Variants in EBF1 observed in about 807,000 individuals in gnomAD.
EBF1 encodes the protein transcription factor COE1.
In EBF1, 10 loss-of-function variants were observed where a neutral mutation model predicts 68.4. The observed-to-expected ratio is 0.15, with a 90% CI of 0.09 to 0.25. The LOEUF is 0.25. Ranked by LOEUF, EBF1 falls within the 10% of genes least tolerant of loss-of-function variation. EBF1 has a pLI of 1.00. For missense variants in EBF1, 509 were observed against 794.4 expected, an observed-to-expected ratio of 0.64 and a Z score of 4.32; for synonymous variants, 298 against 299.8, an observed-to-expected ratio of 0.99 and a Z score of 0.06.
intron 6 of EBF1, among the ~76,000 whole-genome samples, chr5:158,892,358 G>A (rs1801343652): frequency 6.6e-6 from 1 of 152,106 alleles, no homozygotes; most frequent in South Asian, 2.1e-4. Context: ...TTGTGGTGGT[G>A]CACACCTGTA....
chr5:158,835,533 G>C (rs1446540342), intron 7 of EBF1, among the ~76,000 whole-genome samples: 1 of 152,144 alleles, frequency 6.6e-6, no homozygotes, highest in Admixed American at 6.5e-5. Flanking sequence ...TTTAGGCTCT[G>C]CTAGGACAAA....
intron 6 of EBF1, among the ~76,000 whole-genome samples, chr5:158,966,873 T>C (rs1754268922): frequency 2.6e-5 from 4 of 152,228 alleles, no homozygotes. Context: ...AGCCAAGGGT[T>C]AGCTGCCAAG....
At chr5:158,937,731 G>A (rs1291099553) in intron 6 of EBF1, among the ~76,000 whole-genome samples, 1 of 152,196 alleles carries the variant, frequency 6.6e-6, no homozygotes, top group Non-Finnish European at 1.5e-5. Context: ...ACAAAGAGCT[G>A]AGAAAGAGAG....
intron 6 of EBF1, among the ~76,000 whole-genome samples, chr5:159,021,922 G>A (rs1252344246): frequency 1.3e-5 from 2 of 152,024 alleles, no homozygotes; most frequent in Non-Finnish European, 2.9e-5. Flanking sequence ...TACTGATATT[G>A]GGGCACAGCT....
chr5:158,994,291 T>C (rs1760968588), intron 6 of EBF1, among the ~76,000 whole-genome samples: 1 of 152,228 alleles, frequency 6.6e-6, no homozygotes, highest in East Asian at 1.9e-4. Context: ...ATAAGTACAA[T>C]GAGCGATCTG....
intron 10 of EBF1, among the ~76,000 whole-genome samples, chr5:158,775,566 G>A (rs1276311502): frequency 6.6e-6 from 1 of 151,962 alleles, no homozygotes; most frequent in Non-Finnish European, 1.5e-5. Flanking sequence ...CAAAAACAGA[G>A]TCCAAACTTC....
chr5:159,048,817 G>A (rs1772963929), intron 6 of EBF1, among the ~76,000 whole-genome samples: 1 of 152,204 alleles, frequency 6.6e-6, no homozygotes, highest in Non-Finnish European at 1.5e-5. Context: ...TCTGGCTGAT[G>A]AATTCCACAC....
At chr5:158,951,502 T>G (rs1029531540) in intron 6 of EBF1, among the ~76,000 whole-genome samples, 1 of 152,244 alleles carries the variant, frequency 6.6e-6, no homozygotes, top group East Asian at 1.9e-4. Flanking sequence ...CGGAGTATGC[T>G]AATTCCCCAA....
chr5:158,928,329 GT>G (rs1262998594), intron 6 of EBF1, among the ~76,000 whole-genome samples: 1 of 152,112 alleles, frequency 6.6e-6, no homozygotes, highest in African/African-American at 2.4e-5. Flanking sequence ...TTCATTCATT[GT>G]TCTCCCCTTT....
chr5:158,717,017 A>C (rs1760876405), intron 11 of EBF1, among the ~76,000 whole-genome samples: 1 of 152,202 alleles, frequency 6.6e-6, no homozygotes, highest in African/African-American at 2.4e-5. Flanking sequence ...ACATTATGTA[A>C]GTAGATTGAA....
intron 10 of EBF1, among the ~76,000 whole-genome samples, chr5:158,743,817 C>A (rs905937350): frequency 6.6e-6 from 1 of 152,032 alleles, no homozygotes; most frequent in African/African-American, 2.4e-5. Context: ...TTCAGACATG[C>A]TGGAATTTAG....
chr5:159,056,037 A>G (rs1296981555), intron 6 of EBF1, among the ~76,000 whole-genome samples: 4 of 152,224 alleles, frequency 2.6e-5, no homozygotes, highest in East Asian at 3.8e-4. Context: ...GACTAACCCT[A>G]CATGAAACCA....
chr5:158,734,050 A>G (rs1029318786), intron 10 of EBF1, among the ~76,000 whole-genome samples: 12 of 152,230 alleles, frequency 7.9e-5, no homozygotes, highest in Non-Finnish European at 1.5e-5. Context: ...AAGCAATGCC[A>G]TAGGAAAAAA....
intron 10 of EBF1, among the ~76,000 whole-genome samples, chr5:158,775,797 C>G (rs939545838): frequency 1.7e-4 from 25 of 146,108 alleles, no homozygotes; most frequent in African/African-American, 4.0e-4. Context: ...CACACACACA[C>G]ACACACACAC....
At chr5:158,877,723 A>T (rs190456307) in intron 6 of EBF1, among the ~76,000 whole-genome samples, 2 of 151,554 alleles carry the variant, frequency 1.3e-5, no homozygotes, top group Non-Finnish European at 2.9e-5. Context: ...CACACTTTCC[A>T]ATTGGTATTA....
chr5:158,724,508 T>C (rs1472552353), intron 11 of EBF1, among the ~76,000 whole-genome samples: 2 of 152,228 alleles, frequency 1.3e-5, no homozygotes, highest in Non-Finnish European at 2.9e-5. Context: ...TTTGAATTAC[T>C]GATAGTCTTT....
intron 6 of EBF1, among the ~76,000 whole-genome samples, chr5:159,003,457 CA>C (rs1291306691): frequency 8.5e-6 from 1 of 117,096 alleles, no homozygotes; most frequent in Non-Finnish European, 1.9e-5. Flanking sequence ...AACACAACTG[CA>C]GGAAAAAAAA....
chr5:159,047,300 T>C (rs556083316), intron 6 of EBF1, among the ~76,000 whole-genome samples: 9 of 152,282 alleles, frequency 5.9e-5, no homozygotes, highest in Admixed American at 5.2e-4. Context: ...GCTTTTATCC[T>C]AAGAACAATA....
At chr5:159,055,935 G>T (rs891177513) in intron 6 of EBF1, among the ~76,000 whole-genome samples, 6 of 152,114 alleles carry the variant, frequency 3.9e-5, no homozygotes, top group African/African-American at 1.4e-4. Flanking sequence ...TAACATGCTG[G>T]GTCCTTTGTT....
Sources: allele counts gnomAD v4.1 joint callset (sites outside exome capture counted in the v4.1 genomes callset), GRCh38; gene constraint gnomAD v4.1.1; transcripts MANE v1.5; gene names NCBI Gene and HGNC (gene_info 2026-07-23, HGNC 2026-07-21).